LRBA: variants seen among roughly 807,000 people sequenced by gnomAD.
LRBA encodes the protein LPS responsive beige-like anchor protein.
LRBA carries 176 observed loss-of-function variants against 330.0 expected under a neutral mutation model. That is an observed-to-expected ratio of 0.53 (90% confidence interval 0.47 to 0.60). The LOEUF is 0.60. Ranked by LOEUF, LRBA falls within the 20% of genes least tolerant of loss-of-function variation. The pLI is 0.00. For synonymous variants in LRBA, 1,230 were observed against 1,193.0 expected (o/e 1.03, Z -0.64); for missense variants, 3,259 against 3,444.8 (o/e 0.95, Z 1.35).
rs1326530234 is a variant in LRBA, at chr4:150,490,971, G to A, written c.6395C>T (p.Ser2132Phe). The A allele has an allele frequency of 6.2e-7, 1 of 1,609,958 alleles. No homozygotes were observed. The highest frequency in any genetic ancestry group is 8.5e-7 in the Non-Finnish European group (1 of 1,177,322). The change falls in exon 41 of 57, where the codon TCT becomes TTT. Residue 2132 changes from serine (S) to phenylalanine (F), a missense_variant. Transcript: ENST00000651943. ...WLFTEIRSIF[S>F]RRYLLQNTAL... Reference sequence around the variant, plus strand: ...TGTATTTTGCAAAAGATAACGACGAGAAAAGATTGATCGTATCTCTGTGAA... The same window carrying A: ...TGTATTTTGCAAAAGATAACGACGAAAAAAGATTGATCGTATCTCTGTGAA...
At chr4:150,500,650 T>A (rs951859528) in intron 40 of LRBA, among the ~76,000 whole-genome samples, 1 of 152,204 alleles carries the variant, frequency 6.6e-6, no homozygotes, top group Non-Finnish European at 1.5e-5. Context: ...TAGAGTAATA[T>A]CAGTTTACTG....
intron 5 of LRBA, among the ~76,000 whole-genome samples, chr4:150,918,741 T>G (rs911138453): frequency 1.3e-5 from 2 of 152,138 alleles, no homozygotes; most frequent in Non-Finnish European, 2.9e-5. Flanking sequence ...AGAGCAAGAC[T>G]TCATCTCAAA....
chr4:150,471,289 T>A (rs1756100404), intron 43 of LRBA, among the ~76,000 whole-genome samples: 1 of 152,120 alleles, frequency 6.6e-6, no homozygotes, highest in African/African-American at 2.4e-5. Context: ...TATCCATCCT[T>A]ATACAACCAT....
intron 34 of LRBA, among the ~76,000 whole-genome samples, chr4:150,784,805 A>G (rs77259167): frequency 5.3e-4 from 81 of 152,256 alleles, no homozygotes; most frequent in African/African-American, 1.9e-3. Flanking sequence ...AACTGGCATG[A>G]GGATCAAGAA....
At chr4:150,417,729 G>A (rs1415355884) in intron 46 of LRBA, among the ~76,000 whole-genome samples, 1 of 152,184 alleles carries the variant, frequency 6.6e-6, no homozygotes, top group East Asian at 1.9e-4. Context: ...CATTTCCATT[G>A]TAAATTAGAG....
intron 37 of LRBA, among the ~76,000 whole-genome samples, chr4:150,639,504 T>C (rs1340118093): frequency 2.1e-5 from 3 of 143,532 alleles, no homozygotes; most frequent in Admixed American, 7.1e-5. Context: ...AACTGTTCCC[T>C]AGAGTGAATA....
Position 150,848,820 on chromosome 4 carries a change from A to T in LRBA, c.4337T>A (p.Leu1446Gln). Reference protein sequence around the residue: ...SGGILRQCLRLVCAVAVRNCL... With the variant: ...SGGILRQCLRQVCAVAVRNCL... ...CCCAACGGTTTTTAGCAGCTCACCT[A>T]GTCGGAGACACTGCCGCAAAATTCC... The change falls in exon 26 of 57, where the codon CTA becomes CAA. Residue 1446 changes from leucine (L) to glutamine (Q), a missense_variant and splice_region_variant. Coordinates refer to ENST00000651943, the MANE Select transcript of LRBA (RefSeq NM_001364905.1). 2 of 1,594,564 alleles carry T rather than the reference A, an allele frequency of 1.3e-6. No individual in the cohort carries two copies. The highest frequency in any genetic ancestry group is 1.7e-6 in the Non-Finnish European group (2 of 1,172,632).
At chr4:150,977,802 G>C (rs1163173483) in intron 2 of LRBA, among the ~76,000 whole-genome samples, 1 of 152,238 alleles carries the variant, frequency 6.6e-6, no homozygotes, top group African/African-American at 2.4e-5. Context: ...GCTAGTGGGA[G>C]ATGCTCCTCT....
At chr4:150,940,506 T>C (rs1216910121) in intron 2 of LRBA, among the ~76,000 whole-genome samples, 1 of 152,236 alleles carries the variant, frequency 6.6e-6, no homozygotes. Flanking sequence ...GTATTGGATA[T>C]ATGCAGGTAC....
intron 47 of LRBA, among the ~76,000 whole-genome samples, chr4:150,385,842 C>T (rs1742979926): frequency 6.6e-6 from 1 of 152,148 alleles, no homozygotes; most frequent in African/African-American, 2.4e-5. Flanking sequence ...GGAAGCTAAG[C>T]ATGCTATCCC....
rs781625266 is a variant in LRBA at position 150,828,476 on chromosome 4, T to C, written c.4875A>G (p.Thr1625=). 1 of 1,614,006 alleles carries C rather than the reference T, an allele frequency of 6.2e-7. No individual in the cohort carries two copies. The highest frequency in any genetic ancestry group is 8.5e-7 in the Non-Finnish European group (1 of 1,180,006). The change falls in exon 30 of 57, where the codon ACA becomes ACG. Residue 1625 remains threonine (T), a synonymous_variant. Transcript: ENST00000651943. ...LGSHVEVTPH[T]APPGVSAGPD... is the part of the protein sequence containing the mutation. The stretch of plus-strand genomic sequence containing the variant: ...GGCCTGCACTGACACCAGGAGGTGC[T>C]GTGTGAGGAGTTACTTCCACATGGC...
At chr4:150,779,446 A>G (rs2126581674) in intron 34 of LRBA, among the ~76,000 whole-genome samples, 1 of 152,184 alleles carries the variant, frequency 6.6e-6, no homozygotes, top group Non-Finnish European at 1.5e-5. Context: ...AATATTATGC[A>G]AAACAGGAAA....
intron 40 of LRBA, among the ~76,000 whole-genome samples, chr4:150,524,044 C>T (rs1763204864): frequency 5.9e-5 from 9 of 152,134 alleles, no homozygotes; most frequent in Admixed American, 5.9e-4. Flanking sequence ...TTTGCTCTGG[C>T]AGATGGGTAA....
intron 28 of LRBA, among the ~76,000 whole-genome samples, chr4:150,835,153 C>T (rs1232139862): frequency 5.3e-5 from 8 of 152,030 alleles, no homozygotes; most frequent in Non-Finnish European, 7.4e-5. Flanking sequence ...TGTTCTGTTC[C>T]GTTGGTCTAT....
intron 34 of LRBA, among the ~76,000 whole-genome samples, chr4:150,789,125 C>T (rs887491620): frequency 1.3e-5 from 2 of 152,022 alleles, no homozygotes; most frequent in African/African-American, 4.8e-5. Flanking sequence ...TTTTCCTGGC[C>T]TCAGCCTTTT....
At chr4:150,618,253 C>T (rs1376494561) in intron 37 of LRBA, among the ~76,000 whole-genome samples, 1 of 152,084 alleles carries the variant, frequency 6.6e-6, no homozygotes, top group African/African-American at 2.4e-5. Context: ...TATATGTGCT[C>T]GGCTAGGGAT....
chr4:150,701,474 G>A (rs772466045), intron 36 of LRBA, among the ~76,000 whole-genome samples: 6 of 152,074 alleles, frequency 3.9e-5, no homozygotes, highest in African/African-American at 1.4e-4. Context: ...CCACAAACAC[G>A]TGAGTAATGA....
chr4:150,553,076 AAAAG>A lies in LRBA; in HGVS notation c.6330+34968_6330+34971del, dbSNP rs1365466731. ...AGAGCGAGGCTCTGTCTCAAAAAAAAAAAGAAAAAAAGAAAAAAAAGAAAATGTG... is the reference window on the plus strand; with the variant it reads ...AGAGCGAGGCTCTGTCTCAAAAAAAAAAAAAAAGAAAAAAAAGAAAATGTG... On this transcript the variant is annotated intron_variant, in intron 40 of 56. Coordinates refer to ENST00000651943, the MANE Select transcript of LRBA (RefSeq NM_001364905.1). Among the ~76,000 whole-genome samples, 3 of 152,110 alleles carry A rather than the reference AAAAG, an allele frequency of 2.0e-5. No individual in the cohort carries two copies. The East Asian group carries it at 5.8e-4, about 29-fold the overall frequency.
intron 34 of LRBA, among the ~76,000 whole-genome samples, chr4:150,788,026 A>G (rs1421392948): frequency 6.6e-6 from 1 of 152,184 alleles, no homozygotes; most frequent in East Asian, 1.9e-4. Flanking sequence ...ACCATTCTAC[A>G]TAGTGGTTGT....
Sources: allele counts gnomAD v4.1 joint callset (sites outside exome capture counted in the v4.1 genomes callset), GRCh38; gene constraint gnomAD v4.1.1; transcripts MANE v1.5; gene names NCBI Gene and HGNC (gene_info 2026-07-23, HGNC 2026-07-21).